PTK2B: variants seen among roughly 807,000 people sequenced by gnomAD.
PTK2B encodes protein tyrosine kinase 2 beta, also known as protein-tyrosine kinase 2-beta.
In PTK2B, 71 loss-of-function variants were observed where a neutral mutation model predicts 142.9. That is an observed-to-expected ratio of 0.50 (90% CI 0.41 to 0.61). The LOEUF is 0.61. PTK2B is among the 20% of genes least tolerant of loss of function. The pLI is 0.00. For missense variants in PTK2B, 1,105 were observed against 1,320.4 expected, an observed-to-expected ratio of 0.84 and a Z score of 2.53; for synonymous variants, 519 against 503.4, an observed-to-expected ratio of 1.03 and a Z score of -0.42.
chr8:27,441,615 AG>A (rs1347007354), intron 21 of PTK2B, among the ~76,000 whole-genome samples: 2 of 152,152 alleles, frequency 1.3e-5, no homozygotes, highest in Non-Finnish European at 2.9e-5. Flanking sequence ...TCTGTGGGGC[AG>A]GGCCTTCAAC....
At chr8:27,335,927 G>A (rs940163445) in intron 1 of PTK2B, among the ~76,000 whole-genome samples, 4 of 152,244 alleles carry the variant, frequency 2.6e-5, no homozygotes, top group Non-Finnish European at 5.9e-5. Flanking sequence ...CAGGGTTGAA[G>A]TGAGAAGGCG....
intron 2 of PTK2B, among the ~76,000 whole-genome samples, chr8:27,411,081 T>C (rs747218698): frequency 6.6e-6 from 1 of 152,250 alleles, no homozygotes; most frequent in Non-Finnish European, 1.5e-5. Flanking sequence ...ATTAAGACAG[T>C]TTTTAAAAAT....
At chr8:27,332,378 T>C (rs1384919551) in intron 1 of PTK2B, among the ~76,000 whole-genome samples, 1 of 152,164 alleles carries the variant, frequency 6.6e-6, no homozygotes, top group Non-Finnish European at 1.5e-5. Context: ...ACAGGCATTG[T>C]CCCAGGAAAA....
chr8:27,412,092 A>G (rs1284483530), intron 2 of PTK2B, among the ~76,000 whole-genome samples: 3 of 152,268 alleles, frequency 2.0e-5, no homozygotes, highest in Non-Finnish European at 4.4e-5. Context: ...CAAGATGTGC[A>G]TCACCAACCA....
intron 1 of PTK2B, among the ~76,000 whole-genome samples, chr8:27,390,843 A>G (rs1468211813): frequency 1.3e-5 from 2 of 152,136 alleles, no homozygotes; most frequent in Non-Finnish European, 2.9e-5. Flanking sequence ...CAATGGAGGA[A>G]ACTGAGGCCT....
At chr8:27,329,343 C>T (rs1319523443) in intron 1 of PTK2B, among the ~76,000 whole-genome samples, 2 of 152,174 alleles carry the variant, frequency 1.3e-5, no homozygotes, top group African/African-American at 4.8e-5. Flanking sequence ...GTGCAGAGGA[C>T]CCTGGAGAAA....
intron 1 of PTK2B, among the ~76,000 whole-genome samples, chr8:27,354,384 T>A (rs1272640883): frequency 2.6e-5 from 4 of 151,934 alleles, no homozygotes; most frequent in Non-Finnish European, 5.9e-5. Context: ...TGGTGTTCTG[T>A]GATGAGCCGT....
intron 1 of PTK2B, among the ~76,000 whole-genome samples, chr8:27,370,735 T>C (rs1376323023): frequency 6.6e-6 from 1 of 152,198 alleles, no homozygotes; most frequent in Non-Finnish European, 1.5e-5. Context: ...CTCATCTTGC[T>C]CCGTGGTCTC....
At chr8:27,429,415 C>T (rs1426662431) in intron 5 of PTK2B, among the ~76,000 whole-genome samples, 1 of 152,208 alleles carries the variant, frequency 6.6e-6, no homozygotes, top group African/African-American at 2.4e-5. Flanking sequence ...TTACTAGTCA[C>T]AGTGGCCCAG....
At chr8:27,437,360 C>A (rs1208849985) in intron 16 of PTK2B, 36 bp from the exon 17 acceptor site, 29 of 1,588,194 alleles carry the variant, frequency 1.8e-5, no homozygotes, top group Non-Finnish European at 2.5e-5. Context: ...ACCTTTGAGC[C>A]GCTCCACCTG....
chr8:27,355,345 CAA>C (rs1381759122), intron 1 of PTK2B, among the ~76,000 whole-genome samples: 7 of 151,968 alleles, frequency 4.6e-5, no homozygotes, highest in African/African-American at 9.7e-5. Flanking sequence ...AGAAGAGAGA[CAA>C]GAGAGAGATT....
intron 1 of PTK2B, among the ~76,000 whole-genome samples, chr8:27,366,740 G>A (rs1806039778): frequency 6.6e-6 from 1 of 152,202 alleles, no homozygotes; most frequent in Non-Finnish European, 1.5e-5. Flanking sequence ...ACACAACAGA[G>A]GCTAGGAGAG....
chr8:27,421,110 G>C (rs1452417166), intron 4 of PTK2B, among the ~76,000 whole-genome samples: 1 of 152,128 alleles, frequency 6.6e-6, no homozygotes, highest in East Asian at 1.9e-4. Flanking sequence ...TAATCTGATA[G>C]CCTGGGGGAC....
intron 25 of PTK2B, 57 bp downstream of exon 25, chr8:27,450,952 T>G: frequency 6.2e-7 from 1 of 1,613,208 alleles, no homozygotes; most frequent in Non-Finnish European, 8.5e-7. Flanking sequence ...CTCTTCCACC[T>G]CCCCAGGTGG....
At chr8:27,423,616 G>A (rs541642741) in intron 5 of PTK2B, among the ~76,000 whole-genome samples, 27 of 152,208 alleles carry the variant, frequency 1.8e-4, no homozygotes, top group Admixed American at 4.6e-4. Flanking sequence ...CTGCATTTCC[G>A]GAGCCTTATC....
In PTK2B at chr8:27,419,883, T is replaced by C. The variant is rs1554502182; in HGVS notation, c.205-12T>C. 3 of 1,613,874 alleles carry C rather than the reference T, an allele frequency of 1.9e-6. No homozygotes were observed. The highest frequency in any genetic ancestry group is 2.5e-6 in the Non-Finnish European group (3 of 1,179,890). ...GCACCCCTGAGTCATGCCTCTCTCT[T>C]CTCCTCTGCAGGAGATCATCACCTC... On this transcript the variant is annotated splice_polypyrimidine_tract_variant and intron_variant, in intron 2 of 30. Coordinates refer to ENST00000346049, the MANE Select transcript of PTK2B (RefSeq NM_173176.3).
intron 1 of PTK2B, among the ~76,000 whole-genome samples, chr8:27,340,643 GC>G (rs1399090012): frequency 1.3e-5 from 2 of 152,230 alleles, no homozygotes; most frequent in Non-Finnish European, 2.9e-5. Flanking sequence ...GAGGACTTTG[GC>G]CCCAGGCCAC....
At chr8:27,377,328 A>T (rs1266375738) in intron 1 of PTK2B, among the ~76,000 whole-genome samples, 1 of 152,122 alleles carries the variant, frequency 6.6e-6, no homozygotes, top group Non-Finnish European at 1.5e-5. Context: ...CATGATGGAT[A>T]TTATTTTTAC....
chr8:27,435,933 A>G, intron 14 of PTK2B, 140 bp downstream of exon 14: 1 of 1,122,536 alleles, frequency 8.9e-7, no homozygotes, highest in Non-Finnish European at 1.3e-6. Flanking sequence ...GGCAAACCTG[A>G]GATGCCTTGG....
Sources: allele counts gnomAD v4.1 joint callset (sites outside exome capture counted in the v4.1 genomes callset), GRCh38; gene constraint gnomAD v4.1.1; transcripts MANE v1.5; gene names NCBI Gene and HGNC (gene_info 2026-07-23, HGNC 2026-07-21).